MRPS9: variants seen among roughly 807,000 people sequenced by gnomAD.
MRPS9 encodes the protein mitochondrial ribosomal protein S9, also known as small ribosomal subunit protein uS9m.
MRPS9 carries 45 observed loss-of-function variants against 59.9 expected under a neutral mutation model. The observed-to-expected ratio is 0.75, with a 90% confidence interval of 0.59 to 0.96. The LOEUF is 0.96. Among genes scored for constraint, MRPS9 ranks in the 40% least tolerant of loss-of-function variants. The pLI, the probability that MRPS9 is intolerant of heterozygous loss-of-function variation, is 0.00. For missense variants in MRPS9, 473 were observed against 481.1 expected (o/e 0.98, Z 0.16); for synonymous variants, 171 against 166.8 (o/e 1.03, Z -0.19).
intron 5 of MRPS9, among the ~76,000 whole-genome samples, chr2:105,087,813 TTCCTTC>T (rs756184043): frequency 0.011 from 1,612 of 141,588 alleles, 10 homozygotes; most frequent in Admixed American, 0.018. Context: ...CCTTCCTTCC[TTCCTTC>T]CTTCCTTCCT....
Position 105,088,980 on chromosome 2 carries a change from A to G in MRPS9, c.490-4A>G. On this transcript the variant is annotated splice_polypyrimidine_tract_variant and splice_region_variant and intron_variant, in intron 5 of 10. Coordinates refer to ENST00000258455, the MANE Select transcript of MRPS9 (RefSeq NM_182640.3). ...GCATGTACTGTATATTTTGTTTGCCATAGGATGTATATGGAATGTTACTCA... is the reference window on the plus strand; with the variant it reads ...GCATGTACTGTATATTTTGTTTGCCGTAGGATGTATATGGAATGTTACTCA... The G allele has an allele frequency of 6.2e-7, 1 of 1,601,304 alleles. No homozygotes were observed. The highest frequency in any genetic ancestry group is 8.5e-7 in the Non-Finnish European group (1 of 1,170,890).
At chr2:105,096,305 A>G (rs898812493) in intron 9 of MRPS9, among the ~76,000 whole-genome samples, 1 of 152,222 alleles carries the variant, frequency 6.6e-6, no homozygotes, top group Non-Finnish European at 1.5e-5. Context: ...CATCAAAGAA[A>G]GCAAACGCAA....
intron 2 of MRPS9, among the ~76,000 whole-genome samples, chr2:105,069,000 G>A (rs1680054947): frequency 6.6e-6 from 1 of 152,142 alleles, no homozygotes. Flanking sequence ...TTGTTAGAAA[G>A]CTCCCACCTT....
rs35040674 is a variant in MRPS9, at chr2:105,069,848, C to CA, written c.316-1450dup. ...CAACATAGTGAGACCCTCATCTCTACAAAAAAAAAAAAAAATTACCTGGGT... is the reference window on the plus strand; with the variant it reads ...CAACATAGTGAGACCCTCATCTCTACAAAAAAAAAAAAAAAATTACCTGGGT... On this transcript the variant is annotated intron_variant, in intron 2 of 10. Coordinates refer to ENST00000258455, the MANE Select transcript of MRPS9 (RefSeq NM_182640.3). Among the ~76,000 whole-genome samples, 731 of 130,724 alleles carry CA rather than the reference C, an allele frequency of 5.6e-3. 6 individuals carry two copies. Among genetic ancestry groups the CA allele is most frequent in the African/African-American group, 0.012 (435 of 35,320 alleles). 85.8% of individuals were successfully genotyped at this position (130,724 alleles called of 152,430 possible).
intron 1 of MRPS9, among the ~76,000 whole-genome samples, chr2:105,048,188 T>C (rs1447260477): frequency 6.6e-6 from 1 of 152,042 alleles, no homozygotes; most frequent in Non-Finnish European, 1.5e-5. Flanking sequence ...AATGATGAGT[T>C]CATGTCCTTT....
In MRPS9 at chr2:105,074,593, G is replaced by C. The variant is rs146448866; in HGVS notation, c.409+3104G>C. On this transcript the variant is annotated intron_variant, in intron 4 of 10. Transcript: ENST00000258455. Reference sequence around the variant, plus strand: ...ACAACAGGTTTTTTAAGTAGATACTGTAATTTTCCCCACTGCACAAATGTA... The same window carrying C: ...ACAACAGGTTTTTTAAGTAGATACTCTAATTTTCCCCACTGCACAAATGTA... Among the ~76,000 whole-genome samples, 655 of 152,224 alleles carry C rather than the reference G, an allele frequency of 4.3e-3. 3 individuals carry two copies. Among genetic ancestry groups the C allele is most frequent in the African/African-American group, 0.015 (623 of 41,532 alleles).
intron 2 of MRPS9, among the ~76,000 whole-genome samples, chr2:105,058,678 C>CT (rs748204542): frequency 1.5e-3 from 208 of 142,106 alleles, no homozygotes; most frequent in South Asian, 3.9e-3. Flanking sequence ...TAATGAGTTT[C>CT]TTTTTTTTTT....
chr2:105,053,065 C>T (rs116354101), intron 2 of MRPS9, among the ~76,000 whole-genome samples: 321 of 152,292 alleles, frequency 2.1e-3, no homozygotes, highest in African/African-American at 7.5e-3. Context: ...CGCCCAGCCC[C>T]ACTTCACTAC....
At chr2:105,088,052 A>G (rs1343664717) in intron 5 of MRPS9, among the ~76,000 whole-genome samples, 6 of 151,852 alleles carry the variant, frequency 4.0e-5, no homozygotes. Flanking sequence ...ACACATCTCT[A>G]TCAGTAACAA....
chr2:105,099,549 C>A, intron 10 of MRPS9, 121 bp from the exon 11 acceptor site: 1 of 772,546 alleles, frequency 1.3e-6, no homozygotes, highest in Non-Finnish European at 2.0e-6. Context: ...TATTACTGGT[C>A]TGGTTGCTTT....
intron 2 of MRPS9, 117 bp from the exon 3 acceptor site, chr2:105,071,196 T>C: frequency 1.3e-6 from 1 of 747,560 alleles, no homozygotes; most frequent in Non-Finnish European, 2.2e-6. Flanking sequence ...ATTTATGAAG[T>C]AAGATAATGC....
chr2:105,047,469 A>C (rs1679614175), intron 1 of MRPS9, among the ~76,000 whole-genome samples: 1 of 151,746 alleles, frequency 6.6e-6, no homozygotes. Context: ...TGAATTTAGG[A>C]CTCTTGGAAG....
chr2:105,047,424 G>A (rs1042944776), intron 1 of MRPS9, among the ~76,000 whole-genome samples: 1 of 151,532 alleles, frequency 6.6e-6, no homozygotes, highest in African/African-American at 2.4e-5. Context: ...ATATTTTCTT[G>A]TGTAACTTTA....
At chr2:105,095,487 A>ATTTTTTTTTTTTTTTTTT (rs138410859) in intron 9 of MRPS9, among the ~76,000 whole-genome samples, 1 of 140,114 alleles carries the variant, frequency 7.1e-6, no homozygotes, top group Non-Finnish European at 1.5e-5. Context: ...CAGTCTGTAC[A>ATTTTTTTTTTTTTTTTTT]TTTTTTTTTT....
chr2:105,077,480 G>A (rs1680236146), intron 4 of MRPS9, among the ~76,000 whole-genome samples: 1 of 144,180 alleles, frequency 6.9e-6, no homozygotes, highest in Non-Finnish European at 1.6e-5. Flanking sequence ...AGTGGAAAAA[G>A]CAAGTAAAAA....
At chr2:105,087,620 A>G (rs1292466692) in intron 5 of MRPS9, among the ~76,000 whole-genome samples, 3 of 152,082 alleles carry the variant, frequency 2.0e-5, no homozygotes, top group African/African-American at 7.2e-5. Context: ...ACTACGCTTA[A>G]TGAAAAACAA....
intron 2 of MRPS9, among the ~76,000 whole-genome samples, chr2:105,067,687 T>C (rs545854231): frequency 6.4e-4 from 98 of 152,356 alleles, no homozygotes; most frequent in African/African-American, 2.2e-3. Flanking sequence ...TTTACTTTTA[T>C]AACATATTGT....
intron 2 of MRPS9, among the ~76,000 whole-genome samples, chr2:105,066,456 A>G (rs886536801): frequency 6.6e-6 from 1 of 152,176 alleles, no homozygotes; most frequent in African/African-American, 2.4e-5. Flanking sequence ...TTTGCAATCA[A>G]TGCTTTCTTT....
chr2:105,065,023 A>G (rs1306498590), intron 2 of MRPS9, among the ~76,000 whole-genome samples: 1 of 152,182 alleles, frequency 6.6e-6, no homozygotes, highest in Non-Finnish European at 1.5e-5. Context: ...CAGCCCCTAT[A>G]TTTGAGACTA....
Sources: allele counts gnomAD v4.1 joint callset (sites outside exome capture counted in the v4.1 genomes callset), GRCh38; gene constraint gnomAD v4.1.1; transcripts MANE v1.5; gene names NCBI Gene and HGNC (gene_info 2026-07-23, HGNC 2026-07-21).